CACNG2: variants seen among roughly 807,000 people sequenced by gnomAD.
CACNG2 encodes the protein calcium voltage-gated channel auxiliary subunit gamma 2.
Under a neutral mutation model 25.9 loss-of-function variants are expected in CACNG2, and 3 were observed. The ratio of observed to expected loss-of-function variants is 0.12; its 90% CI spans 0.05 to 0.30. CACNG2 has a LOEUF of 0.30. Ranked by LOEUF, CACNG2 falls within the 10% of genes least tolerant of loss-of-function variation. The probability of loss-of-function intolerance (pLI) is 1.00; values close to 1 mark genes in which losing one functional copy is unlikely to be tolerated. For synonymous variants in CACNG2, 167 were observed against 173.3 expected (o/e 0.96, Z 0.29); for missense variants, 341 against 432.5 (o/e 0.79, Z 1.88).
At position 36,699,237 on chromosome 22, in the gene CACNG2, TCACACACACACACA is replaced by T. The variant is rs3076293; in HGVS notation, c.211+3115_211+3128del. ...CACCAGCCTGCTGGGGATTTCAAGT[TCACACACACACACA>T]CACACACACACACACACACACACAC... On this transcript the variant is annotated intron_variant, in intron 1 of 3. Coordinates refer to ENST00000300105, the MANE Select transcript of CACNG2 (RefSeq NM_006078.5). Among the ~76,000 whole-genome samples the T allele has an allele frequency of 7.6e-4, 108 of 141,904 alleles. 1 individual carries two copies. The East Asian group carries it at 0.016, about 21-fold the overall frequency. The allele number at this position is 141,904 out of a possible 152,430, so 93.1% of individuals were successfully genotyped here.
chr22:36,677,924 ATTG>A (rs1334731005), intron 1 of CACNG2, among the ~76,000 whole-genome samples: 4 of 152,170 alleles, frequency 2.6e-5, no homozygotes, highest in Admixed American at 2.0e-4. Flanking sequence ...AATTTTGAGT[ATTG>A]TTGTGGTTTG....
chr22:36,581,559 C>G (rs1329940238), intron 2 of CACNG2, among the ~76,000 whole-genome samples: 4 of 152,222 alleles, frequency 2.6e-5, no homozygotes, highest in African/African-American at 9.6e-5. Context: ...CCTCTCTGCT[C>G]TACATCCCCA....
intron 1 of CACNG2, among the ~76,000 whole-genome samples, chr22:36,691,816 C>T (rs1300180254): frequency 6.6e-6 from 1 of 152,098 alleles, no homozygotes; most frequent in Non-Finnish European, 1.5e-5. Context: ...CGAATGACTA[C>T]CTATTATTAT....
intron 1 of CACNG2, among the ~76,000 whole-genome samples, chr22:36,609,243 C>T (rs1333395147): frequency 1.3e-5 from 2 of 149,976 alleles, no homozygotes; most frequent in Admixed American, 1.3e-4. Context: ...GGAATCAGCC[C>T]CCCAGAGTGT....
At chr22:36,661,668 G>T (rs1936796821) in intron 1 of CACNG2, among the ~76,000 whole-genome samples, 1 of 152,194 alleles carries the variant, frequency 6.6e-6, no homozygotes, top group Non-Finnish European at 1.5e-5. Context: ...GTCAACAAAT[G>T]AAAGGGTAAC....
intron 1 of CACNG2, among the ~76,000 whole-genome samples, chr22:36,655,916 T>G (rs1472513421): frequency 6.6e-6 from 1 of 151,938 alleles, no homozygotes; most frequent in Non-Finnish European, 1.5e-5. Context: ...CAAGCAATTC[T>G]CCTGCCTCAG....
At chr22:36,655,356 C>A (rs1479711298) in intron 1 of CACNG2, among the ~76,000 whole-genome samples, 1 of 152,144 alleles carries the variant, frequency 6.6e-6, no homozygotes, top group East Asian at 1.9e-4. Flanking sequence ...CAAGCGTCAC[C>A]TCCTTGTGTG....
intron 1 of CACNG2, among the ~76,000 whole-genome samples, chr22:36,595,771 T>C (rs1490658698): frequency 6.6e-6 from 1 of 152,120 alleles, no homozygotes; most frequent in Non-Finnish European, 1.5e-5. Flanking sequence ...TCAACAACCA[T>C]GACTCTCCAT....
chr22:36,690,336 G>A (rs1937253100), intron 1 of CACNG2, among the ~76,000 whole-genome samples: 1 of 149,156 alleles, frequency 6.7e-6, no homozygotes, highest in Non-Finnish European at 1.5e-5. Context: ...CAGGGATAGG[G>A]CCCAGGGTTA....
chr22:36,592,871 C>T (rs1033690710), intron 1 of CACNG2, among the ~76,000 whole-genome samples: 12 of 152,262 alleles, frequency 7.9e-5, no homozygotes, highest in African/African-American at 2.6e-4. Context: ...GAGGTCAGGG[C>T]CGGGAATGGG....
chr22:36,656,991 T>C (rs1936716535), intron 1 of CACNG2, among the ~76,000 whole-genome samples: 2 of 152,218 alleles, frequency 1.3e-5, no homozygotes, highest in Admixed American at 1.3e-4. Context: ...GTCAGGACTT[T>C]TGTTTGCTCT....
intron 2 of CACNG2, among the ~76,000 whole-genome samples, chr22:36,569,004 C>T (rs1038049448): frequency 6.6e-6 from 1 of 152,092 alleles, no homozygotes; most frequent in African/African-American, 2.4e-5. Flanking sequence ...TAAGACAACA[C>T]GCTGTATCCC....
chr22:36,658,654 C>A lies in CACNG2; in HGVS notation c.211+43712G>T, dbSNP rs557767299. On this transcript the variant is annotated intron_variant, in intron 1 of 3. Coordinates refer to ENST00000300105, the MANE Select transcript of CACNG2 (RefSeq NM_006078.5). Reference sequence around the variant, plus strand: ...AACACATCTGTATCCAGCCCTTGCCCAGGTGCTGGGTACACTGCAGGGACC... The same window carrying A: ...AACACATCTGTATCCAGCCCTTGCCAAGGTGCTGGGTACACTGCAGGGACC... Among the ~76,000 whole-genome samples, 3 of 152,310 alleles carry A rather than the reference C, an allele frequency of 2.0e-5. No individual in the cohort carries two copies. The South Asian group carries it at 6.2e-4, about 32-fold the overall frequency.
chr22:36,589,354 AG>A (rs1042010340), intron 1 of CACNG2, among the ~76,000 whole-genome samples: 2 of 152,160 alleles, frequency 1.3e-5, no homozygotes, highest in Non-Finnish European at 2.9e-5. Flanking sequence ...TTGGTGCAAA[AG>A]CAACTGTGGT....
chr22:36,693,515 G>A (rs1048266892), intron 1 of CACNG2, among the ~76,000 whole-genome samples: 1 of 152,158 alleles, frequency 6.6e-6, no homozygotes, highest in African/African-American at 2.4e-5. Context: ...CAGTGACCTA[G>A]ACAGTGGAAA....
chr22:36,595,017 A>G (rs1031194208), intron 1 of CACNG2, among the ~76,000 whole-genome samples: 10 of 140,260 alleles, frequency 7.1e-5, no homozygotes, highest in Admixed American at 2.1e-4. Context: ...TGAAGTCTGC[A>G]TATGTGTGTG....
chr22:36,693,982 C>T lies in CACNG2; in HGVS notation c.211+8384G>A, dbSNP rs145039668. On this transcript the variant is annotated intron_variant, in intron 1 of 3. Coordinates refer to ENST00000300105, the MANE Select transcript of CACNG2 (RefSeq NM_006078.5). ...TCTATCCTAGAGTCCCACACAGTACCTGGCAAATACTCGGGAACAGTTGTT... is the reference window on the plus strand; with the variant it reads ...TCTATCCTAGAGTCCCACACAGTACTTGGCAAATACTCGGGAACAGTTGTT... 9.8e-4 allele frequency among the ~76,000 whole-genome samples: 150 copies of T among 152,300 alleles called. 3 individuals carry two copies. Among genetic ancestry groups the T allele is most frequent in the Admixed American group, 8.8e-3 (134 of 15,308 alleles).
intron 1 of CACNG2, among the ~76,000 whole-genome samples, chr22:36,647,734 G>A (rs1936548718): frequency 6.6e-6 from 1 of 152,222 alleles, no homozygotes; most frequent in Non-Finnish European, 1.5e-5. Flanking sequence ...TGGCTGGAAT[G>A]CTCTTTCCTT....
chr22:36,581,388 T>C (rs746026386), intron 2 of CACNG2, among the ~76,000 whole-genome samples: 6 of 152,164 alleles, frequency 3.9e-5, no homozygotes, highest in African/African-American at 9.7e-5. Context: ...CCATCAGATA[T>C]TAATTGAGTG....
Sources: gnomAD v4.1 joint callset for allele counts (sites outside exome capture counted in the v4.1 genomes callset) on GRCh38, gnomAD v4.1.1 for gene constraint, MANE v1.5 for transcripts, NCBI Gene and HGNC (gene_info 2026-07-23, HGNC 2026-07-21) for gene names.